Variants in PARD3 observed in about 807,000 individuals in gnomAD.
PARD3 encodes the protein partitioning defective 3 homolog.
Under a neutral mutation model 155.4 loss-of-function variants are expected in PARD3, and 75 were observed. The observed-to-expected ratio is 0.48, with a 90% CI of 0.40 to 0.58. PARD3 has a LOEUF of 0.58. PARD3 is among the 20% of genes least tolerant of loss of function. The pLI is 0.00. For missense variants in PARD3, 1,642 were observed against 1,721.7 expected, an observed-to-expected ratio of 0.95 and a Z score of 0.82; for synonymous variants, 576 against 610.5, an observed-to-expected ratio of 0.94 and a Z score of 0.83.
At chr10:34,614,968 G>A (rs1037048760) in intron 2 of PARD3, among the ~76,000 whole-genome samples, 3 of 152,282 alleles carry the variant, frequency 2.0e-5, no homozygotes, top group African/African-American at 7.2e-5. Flanking sequence ...CACAAGGTCA[G>A]GAGATCAAGA....
chr10:34,796,425 G>T (rs1365969058), intron 1 of PARD3, among the ~76,000 whole-genome samples: 2 of 152,168 alleles, frequency 1.3e-5, no homozygotes, highest in African/African-American at 4.8e-5. Flanking sequence ...GGTTGGTTAT[G>T]CAGCAACACC....
chr10:34,378,942 G>C (rs1056159875), intron 9 of PARD3, among the ~76,000 whole-genome samples: 7 of 152,142 alleles, frequency 4.6e-5, no homozygotes, highest in African/African-American at 1.7e-4. Context: ...TATGTCACTA[G>C]AATCAAGACG....
intron 22 of PARD3, among the ~76,000 whole-genome samples, chr10:34,182,260 G>C (rs17539342): frequency 0.027 from 4,178 of 152,292 alleles, 85 homozygotes; most frequent in Non-Finnish European, 0.041. Context: ...GGCCTCATTA[G>C]CATCATCTGT....
intron 2 of PARD3, among the ~76,000 whole-genome samples, chr10:34,535,169 T>G (rs1384374698): frequency 6.6e-6 from 1 of 152,188 alleles, no homozygotes; most frequent in Non-Finnish European, 1.5e-5. Context: ...TCCTACGTTT[T>G]AATCCCCATA....
chr10:34,211,160 C>T (rs2133399269), intron 22 of PARD3, among the ~76,000 whole-genome samples: 1 of 152,312 alleles, frequency 6.6e-6, no homozygotes, highest in South Asian at 2.1e-4. Context: ...TTCCCTGGAC[C>T]CTTCATTCTT....
At chr10:34,247,836 T>C (rs2133710036) in intron 22 of PARD3, among the ~76,000 whole-genome samples, 1 of 152,372 alleles carries the variant, frequency 6.6e-6, no homozygotes, top group South Asian at 2.1e-4. Context: ...AGTACGGTCA[T>C]CTTCCTTTAA....
chr10:34,437,489 G>A (rs181496896), intron 5 of PARD3, among the ~76,000 whole-genome samples: 4 of 152,196 alleles, frequency 2.6e-5, no homozygotes, highest in African/African-American at 9.6e-5. Context: ...ATTAATGGTA[G>A]ATCAGAATTT....
At chr10:34,552,609 G>A (rs2084673289) in intron 2 of PARD3, among the ~76,000 whole-genome samples, 1 of 152,088 alleles carries the variant, frequency 6.6e-6, no homozygotes, top group Admixed American at 6.5e-5. Context: ...AGCTATTCAG[G>A]AGGCTGAAGC....
chr10:34,633,922 T>C (rs1370840668), intron 2 of PARD3, among the ~76,000 whole-genome samples: 1 of 152,170 alleles, frequency 6.6e-6, no homozygotes, highest in African/African-American at 2.4e-5. Flanking sequence ...TTCCTTTCTC[T>C]AGTTTTGAGA....
intron 4 of PARD3, among the ~76,000 whole-genome samples, chr10:34,459,589 T>A (rs890369715): frequency 6.6e-6 from 1 of 152,148 alleles, no homozygotes; most frequent in African/African-American, 2.4e-5. Flanking sequence ...AGGGAACAGA[T>A]GCTAGACAGA....
At chr10:34,140,588 A>C (rs560241638) in intron 22 of PARD3, among the ~76,000 whole-genome samples, 8 of 152,214 alleles carry the variant, frequency 5.3e-5, no homozygotes, top group Non-Finnish European at 2.9e-5. Context: ...CTATGGCTCT[A>C]TCTCTCAGGC....
intron 2 of PARD3, among the ~76,000 whole-genome samples, chr10:34,563,550 A>G (rs1419098359): frequency 7.3e-6 from 1 of 136,530 alleles, no homozygotes; most frequent in Non-Finnish European, 1.6e-5. Context: ...TTTTTTTTTG[A>G]GATGGAGTCT....
At position 34,378,553 on chromosome 10, in the gene PARD3, GGAAAA is replaced by G. The variant is rs773485353; in HGVS notation, c.1400-452_1400-448del. ...GGGAAACAAAAATGTCCAGGGAGATGGAAAAGAACAGTGAAATGAGAGGTATCTCT... is the reference window on the plus strand; with the variant it reads ...GGGAAACAAAAATGTCCAGGGAGATGGAACAGTGAAATGAGAGGTATCTCT... On this transcript the variant is annotated intron_variant, in intron 9 of 24. Transcript: ENST00000374788. Among the ~76,000 whole-genome samples the G allele has an allele frequency of 2.2e-4, 34 of 152,086 alleles. 1 individual carries two copies. Among genetic ancestry groups the G allele is most frequent in the Non-Finnish European group, 2.2e-4 (15 of 68,012 alleles).
chr10:34,251,660 T>C (rs748799183), intron 22 of PARD3, among the ~76,000 whole-genome samples: 1 of 152,150 alleles, frequency 6.6e-6, no homozygotes, highest in Non-Finnish European at 1.5e-5. Flanking sequence ...CCCCTCTCTC[T>C]CTCTCTCAAA....
chr10:34,510,501 G>T (rs981758190), intron 3 of PARD3, among the ~76,000 whole-genome samples: 2 of 152,056 alleles, frequency 1.3e-5, no homozygotes, highest in African/African-American at 4.8e-5. Context: ...TAATCACACA[G>T]TACTATATTT....
intron 22 of PARD3, among the ~76,000 whole-genome samples, chr10:34,169,764 G>T (rs771202369): frequency 6.6e-6 from 1 of 152,190 alleles, no homozygotes; most frequent in African/African-American, 2.4e-5. Flanking sequence ...GGAAACCACA[G>T]TTAAGGCATT....
intron 2 of PARD3, among the ~76,000 whole-genome samples, chr10:34,567,293 C>A (rs2086034229): frequency 6.6e-6 from 1 of 152,116 alleles, no homozygotes. Flanking sequence ...AAATGCTAAT[C>A]CACTATACAA....
At chr10:34,415,130 G>A (rs1845534983) in intron 5 of PARD3, among the ~76,000 whole-genome samples, 1 of 152,162 alleles carries the variant, frequency 6.6e-6, no homozygotes, top group African/African-American at 2.4e-5. Context: ...GAAGAAATCA[G>A]AGAGCCAGGA....
intron 2 of PARD3, among the ~76,000 whole-genome samples, chr10:34,593,492 C>T (rs2088924174): frequency 6.6e-6 from 1 of 152,138 alleles, no homozygotes; most frequent in Admixed American, 6.5e-5. Flanking sequence ...TTCTAAACAC[C>T]TATTTAGATT....
Sources: gnomAD v4.1 joint callset for allele counts (sites outside exome capture counted in the v4.1 genomes callset) on GRCh38, gnomAD v4.1.1 for gene constraint, MANE v1.5 for transcripts, NCBI Gene and HGNC (gene_info 2026-07-23, HGNC 2026-07-21) for gene names.